The following FAM193A variants were observed in gnomAD, a reference collection of about 807,000 sequenced individuals.
The protein encoded by FAM193A is protein FAM193A.
FAM193A carries 22 observed loss-of-function variants against 126.5 expected under a neutral mutation model. That is an observed-to-expected ratio of 0.17 (90% CI 0.12 to 0.25). FAM193A has a LOEUF of 0.25. Among genes scored for constraint, FAM193A ranks in the 10% least tolerant of loss-of-function variants. The pLI, the probability that FAM193A is intolerant of heterozygous loss-of-function variation, is 1.00. For missense variants in FAM193A, 1,675 were observed against 1,672.8 expected (o/e 1.00, Z -0.02); for synonymous variants, 761 against 646.8 (o/e 1.18, Z -2.68).
chr4:2,711,662 T>C (rs910312223), intron 19 of FAM193A, among the ~76,000 whole-genome samples: 1 of 151,220 alleles, frequency 6.6e-6, no homozygotes, highest in African/African-American at 2.4e-5. Context: ...TTTAAAGAAA[T>C]TCTGGGCTGG....
At chr4:2,607,724 C>T (rs1006268883) in intron 2 of FAM193A, 2 of 344,620 alleles carry the variant, frequency 5.8e-6, no homozygotes, top group African/African-American at 2.2e-5. Context: ...TGGCCTTACC[C>T]TCGCTGCGGC....
Position 2,626,544 on chromosome 4 carries a change from C to T in FAM193A, c.770C>T (p.Pro257Leu). 1 of 702,046 alleles carries T rather than the reference C, an allele frequency of 1.4e-6. No homozygotes were observed. The highest frequency in any genetic ancestry group is 2.6e-6 in the Non-Finnish European group (1 of 384,846). The allele number at this position is 702,046 out of a possible 1,614,324, so 43.5% of individuals were successfully genotyped here. A position where few individuals can be genotyped will look rare whatever the true frequency, so the allele number is the denominator to read the frequency against. ...LADDQDQSLV[P>L]DKEGVKELVD... is the part of the protein sequence containing the mutation. ...GATGACCAGGACCAGTCTCTGGTGCCTGACAAGGAGGGAGTGAAGGAGCTC... is the reference window on the plus strand; with the variant it reads ...GATGACCAGGACCAGTCTCTGGTGCTTGACAAGGAGGGAGTGAAGGAGCTC... The change falls in exon 4 of 21, where the codon CCT becomes CTT. Residue 257 changes from proline to leucine, a missense_variant. Pro to Leu is a moderately conservative substitution (Grantham distance 98). Transcript: ENST00000637812.
chr4:2,614,046 T>G (rs1292069464), intron 2 of FAM193A, among the ~76,000 whole-genome samples: 2 of 152,238 alleles, frequency 1.3e-5, no homozygotes, highest in Non-Finnish European at 2.9e-5. Context: ...GTGCTGGGAT[T>G]ACAGGCCTGA....
chr4:2,575,553 G>C (rs1413983484), intron 1 of FAM193A, among the ~76,000 whole-genome samples: 1 of 146,390 alleles, frequency 6.8e-6, no homozygotes, highest in Non-Finnish European at 1.5e-5. Flanking sequence ...TGCAACCTCT[G>C]CTTCCCGGGT....
At chr4:2,718,020 G>A (rs1453929599) in intron 20 of FAM193A, among the ~76,000 whole-genome samples, 1 of 152,094 alleles carries the variant, frequency 6.6e-6, no homozygotes, top group East Asian at 1.9e-4. Flanking sequence ...AAACCTGCGG[G>A]ATATCGAAAA....
intron 1 of FAM193A, among the ~76,000 whole-genome samples, chr4:2,553,845 C>T (rs907238716): frequency 6.6e-6 from 1 of 152,084 alleles, no homozygotes; most frequent in Non-Finnish European, 1.5e-5. Context: ...AAATAAGTCT[C>T]ACGAGATCTG....
At chr4:2,669,909 G>A (rs759962304) in intron 12 of FAM193A, among the ~76,000 whole-genome samples, 7 of 152,198 alleles carry the variant, frequency 4.6e-5, no homozygotes, top group Admixed American at 2.0e-4. Context: ...GTCATTGTGT[G>A]CCAGAGTTCT....
At position 2,662,890 on chromosome 4, in the gene FAM193A, T is replaced by G; in HGVS notation, c.1798T>G (p.Tyr600Asp). ...APLSAKFADI[Y>D]PLSNYDDTEV... Reference sequence around the variant, plus strand: ...ATTGTCAGCCAAATTTGCTGATATTTATCCATTGAGTAATTATGATGATAC... The same window carrying G: ...ATTGTCAGCCAAATTTGCTGATATTGATCCATTGAGTAATTATGATGATAC... The change falls in exon 11 of 21, where the codon TAT becomes GAT. Residue 600 changes from tyrosine (Y) to aspartate (D), a missense_variant. By Grantham distance (160) the Tyr-to-Asp change is radical. Around this residue, in one of 4 missense-constraint regions of FAM193A, gnomAD observed 1,186 missense variants for 1,109.2 expected, o/e 1.07. Transcript: ENST00000637812. 1 of 1,612,894 alleles carries G rather than the reference T, an allele frequency of 6.2e-7. No homozygotes were observed. Among genetic ancestry groups the G allele is most frequent in the Non-Finnish European group, 8.5e-7 (1 of 1,178,986 alleles).
At chr4:2,540,546 G>C (rs976176600) in intron 1 of FAM193A, among the ~76,000 whole-genome samples, 1 of 151,986 alleles carries the variant, frequency 6.6e-6, no homozygotes, top group African/African-American at 2.4e-5. Context: ...TACTCCGGAG[G>C]CTGAGGCAGG....
chr4:2,678,740 A>G (rs199639483), intron 13 of FAM193A, among the ~76,000 whole-genome samples: 7 of 152,206 alleles, frequency 4.6e-5, no homozygotes, highest in Non-Finnish European at 1.0e-4. Context: ...TTGTTAGTGT[A>G]TAGACATGCA....
rs192782907 is a variant in FAM193A at position 2,704,584 on chromosome 4, A to G, written c.4372+4040A>G. Reference sequence around the variant, plus strand: ...TATCTGAAAAAAAAATAAAATAAAAATTTTTAAAAAGGTAAGTGCTTTCAT... The same window carrying G: ...TATCTGAAAAAAAAATAAAATAAAAGTTTTTAAAAAGGTAAGTGCTTTCAT... On this transcript the variant is annotated intron_variant, in intron 19 of 20. Transcript: ENST00000637812. Among the ~76,000 whole-genome samples the G allele has an allele frequency of 5.7e-4, 87 of 152,212 alleles. 1 individual carries two copies. The highest frequency in any genetic ancestry group is 5.2e-3 in the Admixed American group (80 of 15,268).
At chr4:2,587,356 T>G (rs1336837689) in intron 1 of FAM193A, among the ~76,000 whole-genome samples, 1 of 152,154 alleles carries the variant, frequency 6.6e-6, no homozygotes, top group South Asian at 2.1e-4. Context: ...CACCAAGCCA[T>G]TCATGAGGGA....
At chr4:2,705,663 C>T (rs1251867050) in intron 19 of FAM193A, among the ~76,000 whole-genome samples, 2 of 151,954 alleles carry the variant, frequency 1.3e-5, no homozygotes, top group African/African-American at 2.4e-5. Context: ...GGTCATAGCT[C>T]ACTGCAGCCT....
intron 12 of FAM193A, among the ~76,000 whole-genome samples, chr4:2,664,438 ATC>A (rs1712851910): frequency 6.6e-6 from 1 of 151,174 alleles, no homozygotes; most frequent in Non-Finnish European, 1.5e-5. Flanking sequence ...TGTTCATTTG[ATC>A]TCTGTGTCTG....
At chr4:2,553,272 T>C (rs959345572) in intron 1 of FAM193A, among the ~76,000 whole-genome samples, 3 of 152,048 alleles carry the variant, frequency 2.0e-5, no homozygotes, top group South Asian at 2.1e-4. Flanking sequence ...CAGGCTGTAA[T>C]GCGCGATGAT....
intron 4 of FAM193A, among the ~76,000 whole-genome samples, chr4:2,630,156 A>T (rs924685595): frequency 3.9e-4 from 59 of 151,630 alleles, no homozygotes; most frequent in African/African-American, 6.3e-4. Flanking sequence ...AATGTGGATT[A>T]TCATACACAT....
chr4:2,595,855 T>G (rs1740829232), intron 1 of FAM193A, among the ~76,000 whole-genome samples: 1 of 152,308 alleles, frequency 6.6e-6, no homozygotes, highest in South Asian at 2.1e-4. Context: ...AAGGGGTTAA[T>G]TTTGACAATT....
At chr4:2,576,353 C>T (rs927156203) in intron 1 of FAM193A, among the ~76,000 whole-genome samples, 5 of 152,222 alleles carry the variant, frequency 3.3e-5, no homozygotes, top group South Asian at 2.1e-4. Context: ...CTGCCTCGGC[C>T]TCCCAGAGTG....
intron 13 of FAM193A, among the ~76,000 whole-genome samples, chr4:2,673,107 A>G (rs1002448670): frequency 2.6e-5 from 4 of 152,164 alleles, no homozygotes; most frequent in Non-Finnish European, 4.4e-5. Context: ...TTGCCTCTCT[A>G]GTTATTTTGA....
Sources: allele counts gnomAD v4.1 joint callset (sites outside exome capture counted in the v4.1 genomes callset), GRCh38; gene constraint gnomAD v4.1.1; regional missense constraint gnomAD v4.1.1; transcripts MANE v1.5; gene names NCBI Gene and HGNC (gene_info 2026-07-23, HGNC 2026-07-21).